The following SCYL2 variants were observed in gnomAD, a reference collection of about 807,000 sequenced individuals.
SCYL2 encodes SCY1-like protein 2.
A neutral mutation model predicts 100.4 loss-of-function variants in SCYL2; 36 were observed. The observed-to-expected ratio is 0.36, with a 90% CI of 0.27 to 0.47. SCYL2 has a LOEUF of 0.47. Among genes scored for constraint, SCYL2 ranks in the 20% least tolerant of loss-of-function variants. SCYL2 has a pLI of 1.00. For synonymous variants in SCYL2, 330 were observed against 359.2 expected, an observed-to-expected ratio of 0.92 and a Z score of 0.92; for missense variants, 902 against 1,083.9, an observed-to-expected ratio of 0.83 and a Z score of 2.36.
At position 100,311,206 on chromosome 12, in the gene SCYL2, T is replaced by A. The variant is rs759299259; in HGVS notation, c.630+13T>A. 6.3e-7 allele frequency: 1 copy of A among 1,579,310 alleles called. No homozygotes were observed. The highest frequency in any genetic ancestry group is 8.6e-7 in the Non-Finnish European group (1 of 1,168,352). ...TTCTGAACAAGAGGTAATGAAAGTT[T>A]TAGTCTTCTAATTTTTGAGGCCAGG... On this transcript the variant is annotated intron_variant, in intron 5 of 17. Coordinates refer to ENST00000360820, the MANE Select transcript of SCYL2 (RefSeq NM_017988.6).
intron 1 of SCYL2, among the ~76,000 whole-genome samples, chr12:100,270,954 T>C (rs1199101948): frequency 3.3e-5 from 5 of 151,778 alleles, no homozygotes; most frequent in Admixed American, 1.3e-4. Flanking sequence ...TTCAGTTTTT[T>C]ATGTTCGTTT....
Position 100,289,342 on chromosome 12 carries a change from A to G in SCYL2, c.178-2161A>G, listed in dbSNP as rs117252446. ...CGACAGAATGATGTCTTGGCTAAAA[A>G]TATAGTCCTGTGGACTAACTGTTTG... On this transcript the variant is annotated intron_variant, in intron 2 of 17. Transcript: ENST00000360820. Among the ~76,000 whole-genome samples the G allele has an allele frequency of 8.6e-3, 1,311 of 152,340 alleles. 6 individuals carry two copies. The highest frequency in any genetic ancestry group is 0.02 in the Middle Eastern group (6 of 294).
intron 14 of SCYL2, 152 bp from the exon 15 acceptor site, chr12:100,335,473 C>T (rs1952263474): frequency 3.4e-6 from 2 of 581,776 alleles, no homozygotes; most frequent in Non-Finnish European, 6.0e-6. Context: ...GGCAAGCAGA[C>T]ATTAACAGTA....
rs115140589 is a variant in SCYL2 at position 100,328,013 on chromosome 12, G to A, written c.1643-1188G>A. ...GTCTTCTTGGCTGGATGCAGTGGCT[G>A]ACACCTGTATTCCCAGCACTTTGGG... On this transcript the variant is annotated intron_variant, in intron 12 of 17. Coordinates refer to ENST00000360820, the MANE Select transcript of SCYL2 (RefSeq NM_017988.6). Among the ~76,000 whole-genome samples the A allele has an allele frequency of 7.3e-3, 1,116 of 152,188 alleles. 11 individuals carry two copies. The highest frequency in any genetic ancestry group is 0.025 in the African/African-American group (1,049 of 41,526).
intron 17 of SCYL2, among the ~76,000 whole-genome samples, chr12:100,337,844 G>A (rs1358654373): frequency 6.6e-6 from 1 of 152,146 alleles, no homozygotes; most frequent in Admixed American, 6.5e-5. Flanking sequence ...TTGAGCTGAA[G>A]TTATTTTCTG....
chr12:100,273,325 AT>A (rs1395575782), intron 1 of SCYL2, among the ~76,000 whole-genome samples: 7 of 152,142 alleles, frequency 4.6e-5, no homozygotes, highest in African/African-American at 1.7e-4. Flanking sequence ...TTTGGGAAAC[AT>A]TCTATTCCTC....
chr12:100,281,378 C>G (rs1028619866), intron 1 of SCYL2, among the ~76,000 whole-genome samples: 18 of 151,990 alleles, frequency 1.2e-4, no homozygotes, highest in Admixed American at 7.9e-4. Context: ...GTTTTAATAA[C>G]AAAACTTTTT....
chr12:100,323,689 T>A, intron 11 of SCYL2, 51 bp downstream of exon 11: 1 of 940,958 alleles, frequency 1.1e-6, no homozygotes, highest in Non-Finnish European at 1.7e-6. Context: ...GTCAGTGCTT[T>A]AAATCATTTT....
intron 4 of SCYL2, among the ~76,000 whole-genome samples, chr12:100,309,192 A>G (rs573766413): frequency 6.6e-6 from 1 of 151,930 alleles, no homozygotes; most frequent in South Asian, 2.1e-4. Flanking sequence ...GGGAGGATAT[A>G]CAGTGTAGGA....
chr12:100,322,582 C>A (rs1362775042), intron 10 of SCYL2, among the ~76,000 whole-genome samples: 3 of 151,916 alleles, frequency 2.0e-5, no homozygotes, highest in African/African-American at 4.8e-5. Context: ...CATAGTGAGA[C>A]CTTGTCTTTA....
chr12:100,301,311 C>G (rs757190690), intron 4 of SCYL2, among the ~76,000 whole-genome samples: 8 of 152,050 alleles, frequency 5.3e-5, no homozygotes, highest in African/African-American at 9.7e-5. Context: ...TGAGAAATGT[C>G]TATTCAAATC....
At chr12:100,288,997 G>A (rs1050347042) in intron 2 of SCYL2, among the ~76,000 whole-genome samples, 3 of 151,884 alleles carry the variant, frequency 2.0e-5, no homozygotes, top group African/African-American at 4.8e-5. Flanking sequence ...GTGAGCTACC[G>A]TGCCGGCCAT....
chr12:100,295,190 C>G (rs1273050155), intron 3 of SCYL2, among the ~76,000 whole-genome samples: 1 of 150,536 alleles, frequency 6.6e-6, no homozygotes, highest in Admixed American at 6.6e-5. Flanking sequence ...GGCGGCCGGA[C>G]GGAGACGCTC....
chr12:100,268,485 C>T (rs1299198515), intron 1 of SCYL2, among the ~76,000 whole-genome samples: 1 of 152,076 alleles, frequency 6.6e-6, no homozygotes, highest in East Asian at 1.9e-4. Context: ...ATATAAATTA[C>T]TTCTTGAGGC....
intron 2 of SCYL2, among the ~76,000 whole-genome samples, chr12:100,289,498 A>G (rs901353075): frequency 3.3e-5 from 5 of 152,234 alleles, no homozygotes; most frequent in Non-Finnish European, 5.9e-5. Context: ...ACTTAGCACA[A>G]TGCTTGGCAC....
chr12:100,314,315 T>G (rs2096345879), intron 7 of SCYL2, among the ~76,000 whole-genome samples, 174 bp from the exon 8 acceptor site: 1 of 152,258 alleles, frequency 6.6e-6, no homozygotes, highest in South Asian at 2.1e-4. Context: ...GATTTGAACT[T>G]GAAAAATCAT....
chr12:100,312,707 T>C (rs938635221), intron 6 of SCYL2, 54 bp downstream of exon 6: 232 of 1,337,240 alleles, frequency 1.7e-4, no homozygotes, highest in Non-Finnish European at 2.2e-4. Flanking sequence ...AATGTGTCTT[T>C]GATTTTTTTC....
chr12:100,306,934 C>A (rs185509501), intron 4 of SCYL2, among the ~76,000 whole-genome samples: 65 of 152,256 alleles, frequency 4.3e-4, no homozygotes, highest in African/African-American at 1.2e-3. Flanking sequence ...ATACAACTTA[C>A]AAGGGATGTG....
At chr12:100,271,165 T>A (rs1303605920) in intron 1 of SCYL2, among the ~76,000 whole-genome samples, 1 of 149,406 alleles carries the variant, frequency 6.7e-6, no homozygotes, top group South Asian at 2.1e-4. Context: ...CTTCTAGTAA[T>A]CTCTGAGTGC....
Sources: gnomAD v4.1 joint callset for allele counts (sites outside exome capture counted in the v4.1 genomes callset) on GRCh38, gnomAD v4.1.1 for gene constraint, MANE v1.5 for transcripts, NCBI Gene and HGNC (gene_info 2026-07-23, HGNC 2026-07-21) for gene names.